The following CIRBP variants were observed in gnomAD, a reference collection of about 807,000 sequenced individuals.
The protein encoded by CIRBP is cold inducible RNA binding protein, also known as cold-inducible RNA-binding protein.
In CIRBP, 11 loss-of-function variants were observed where a neutral mutation model predicts 22.3. That is an observed-to-expected ratio of 0.49 (90% CI 0.31 to 0.82). The LOEUF (loss-of-function observed/expected upper bound fraction) is 0.82. CIRBP is among the 40% of genes least tolerant of loss of function. CIRBP has a pLI of 0.05. For missense variants in CIRBP, 456 were observed against 402.7 expected (o/e 1.13, Z -1.13); for synonymous variants, 216 against 158.8 (o/e 1.36, Z -2.71).
Position 1,272,686 on chromosome 19 carries a change from A to G in CIRBP, c.*243A>G, listed in dbSNP as rs2145535728. The stretch of plus-strand genomic sequence containing the variant: ...GGGTTTTCAAAACATTTTGAAAAGC[A>G]TTTACTTTTTTGACCACGAGCCATG... On this transcript the variant is annotated 3_prime_UTR_variant, in exon 6 of 6. Coordinates refer to ENST00000587896, the MANE Select transcript of CIRBP (RefSeq NM_001300829.2). The G allele has an allele frequency of 7.6e-6, 3 of 395,806 alleles. No individual in the cohort carries two copies. The highest frequency in any genetic ancestry group is 3.8e-5 in the East Asian group (1 of 26,506). 24.5% of individuals were successfully genotyped at this position (395,806 alleles called of 1,614,324 possible). A position where few individuals can be genotyped will look rare whatever the true frequency, so the allele number is the denominator to read the frequency against.
Position 1,272,574 on chromosome 19 carries a change from C to G in CIRBP, c.*131C>G. On this transcript the variant is annotated 3_prime_UTR_variant, in exon 6 of 6. Transcript: ENST00000587896. ...CTTTCGTAGTCATTTCGGTTCTGAT[C>G]TTGTCAAACCCAGCCTGACCGCTTC... 2.4e-6 allele frequency: 2 copies of G among 849,282 alleles called. No homozygotes were observed. The highest frequency in any genetic ancestry group is 2.5e-5 in the East Asian group (1 of 39,624). 52.6% of individuals were successfully genotyped at this position (849,282 alleles called of 1,614,324 possible). A position where few individuals can be genotyped will look rare whatever the true frequency, so the allele number is the denominator to read the frequency against.
Position 1,272,179 on chromosome 19 carries a change from G to A in CIRBP, c.630G>A (p.Ala210=), listed in dbSNP as rs753430197. The change falls in exon 6 of 6, where the codon GCG becomes GCA. Residue 210 remains alanine (A), a synonymous_variant. Transcript: ENST00000587896. ...GTCACTGTGCTTGCCCAGAAGAGGC[G>A]CATCTGTCCTCTCAGAGCCATTTCT... is the stretch of plus-strand genomic sequence containing the variant. ...RPCHCACPEE[A]HLSSQSHFYR... The A allele has an allele frequency of 2.6e-5, 41 of 1,600,566 alleles. No homozygotes were observed. In the Admixed American group the frequency reaches 5.6e-4, roughly 22 times the overall value.
chr19:1,272,313 G>T lies in CIRBP; in HGVS notation c.764G>T (p.Gly255Val). The change falls in exon 6 of 6, where the codon GGC (glycine) becomes GTC (valine). Residue 255 changes from glycine (G) to valine (V), a missense_variant. Physicochemically the swap from Gly to Val is moderately radical, Grantham distance 109. This residue lies in a region of CIRBP where 426 missense variants were observed against 339.6 expected (regional missense o/e 1.25). Coordinates refer to ENST00000587896, the MANE Select transcript of CIRBP (RefSeq NM_001300829.2). ...TGTGGCCGCAGGCCAGCCTCCCTCGGCTGTGGGGGGTGGTTGCTCCCCGGC... is the reference window on the plus strand; with the variant it reads ...TGTGGCCGCAGGCCAGCCTCCCTCGTCTGTGGGGGGTGGTTGCTCCCCGGC... Reference protein sequence around the residue: ...CMCGRRPASLGCGGWLLPGRR... With the variant: ...CMCGRRPASLVCGGWLLPGRR... 1 of 1,613,762 alleles carries T rather than the reference G, an allele frequency of 6.2e-7. No homozygotes were observed. The highest frequency in any genetic ancestry group is 8.5e-7 in the Non-Finnish European group (1 of 1,179,916).
chr19:1,269,688 C>T (rs949602367), intron 1 of CIRBP: 2 of 316,940 alleles, frequency 6.3e-6, no homozygotes, highest in Admixed American at 4.6e-5. Flanking sequence ...CGCCGAGTTC[C>T]CGGATGGAGT....
intron 5 of CIRBP, 41 bp downstream of exon 5, chr19:1,271,673 A>G: frequency 7.8e-7 from 1 of 1,287,456 alleles, no homozygotes; most frequent in Non-Finnish European, 1.1e-6. Flanking sequence ...TGGTTGCGGG[A>G]TGGCCAGCTT....
chr19:1,271,090 ACCTGGAAGTACAG>A, intron 2 of CIRBP, 37 bp from the exon 3 acceptor site: 1 of 1,610,036 alleles, frequency 6.2e-7, no homozygotes, highest in Non-Finnish European at 8.5e-7. Flanking sequence ...TGCTCCTCCT[ACCTGGAAGTACAG>A]CTGGGTGCTG....
At chr19:1,271,288 G>T in intron 3 of CIRBP, 41 bp from the exon 4 acceptor site, 2 of 1,613,910 alleles carry the variant, frequency 1.2e-6, no homozygotes, top group Non-Finnish European at 1.7e-6. Flanking sequence ...TCTCGAGGAT[G>T]GGGCACCCAC....
chr19:1,273,108 G>A lies in CIRBP; in HGVS notation c.*665G>A, dbSNP rs1380531624. The A allele has an allele frequency of 6.6e-6, 1 of 152,266 alleles. No individual in the cohort carries two copies. The highest frequency in any genetic ancestry group is 2.4e-5 in the African/African-American group (1 of 41,448). The allele number at this position is 152,266 out of a possible 1,614,324, so 9.4% of individuals were successfully genotyped here. ...CATCGATGTTGTATTTGCAGTGGCT[G>A]AGGAATTCTTGTACGCAGTTTTCTT... is the stretch of plus-strand genomic sequence containing the variant. On this transcript the variant is annotated 3_prime_UTR_variant, in exon 6 of 6. Coordinates refer to ENST00000587896, the MANE Select transcript of CIRBP (RefSeq NM_001300829.2).
intron 5 of CIRBP, 92 bp downstream of exon 5, chr19:1,271,724 C>A: frequency 1.1e-6 from 1 of 873,258 alleles, no homozygotes; most frequent in South Asian, 1.7e-5. Context: ...TGAGATGAGA[C>A]TGGCTGGGCA....
At chr19:1,270,649 T>C (rs1451340921) in intron 1 of CIRBP, among the ~76,000 whole-genome samples, 1 of 152,096 alleles carries the variant, frequency 6.6e-6, no homozygotes, top group East Asian at 1.9e-4. Context: ...GGTGTACACC[T>C]ACAGTCCCAG....
chr19:1,272,320 G>T lies in CIRBP; in HGVS notation c.771G>T (p.Gly257=), dbSNP rs1414188743. The change falls in exon 6 of 6, where the codon GGG becomes GGT. Residue 257 remains glycine, a synonymous_variant. Coordinates refer to ENST00000587896, the MANE Select transcript of CIRBP (RefSeq NM_001300829.2). ...GCAGGCCAGCCTCCCTCGGCTGTGG[G>T]GGGTGGTTGCTCCCCGGCCGCAGGC... is the stretch of plus-strand genomic sequence containing the variant. ...CGRRPASLGC[G]GWLLPGRRPR... The T allele has an allele frequency of 2.5e-6, 4 of 1,613,674 alleles. No individual in the cohort carries two copies. Among genetic ancestry groups the T allele is most frequent in the African/African-American group, 1.3e-5 (1 of 74,930 alleles).
chr19:1,273,720 C>T lies in CIRBP; in HGVS notation c.*1277C>T, dbSNP rs2081378877. 6.6e-6 allele frequency: 1 copy of T among 152,250 alleles called. No homozygotes were observed. The highest frequency in any genetic ancestry group is 2.4e-5 in the African/African-American group (1 of 41,460). 9.4% of individuals were successfully genotyped at this position (152,250 alleles called of 1,614,324 possible). On this transcript the variant is annotated 3_prime_UTR_variant, in exon 6 of 6. Coordinates refer to ENST00000587896, the MANE Select transcript of CIRBP (RefSeq NM_001300829.2). The stretch of plus-strand genomic sequence containing the variant: ...GAAATAGCCCTGTAATTCGAGGTAA[C>T]TCCTTCCGCTCGTGTCCACATCCCT...
rs2081335669 is a variant in CIRBP, at chr19:1,271,321, G to A, written c.211-8G>A. On this transcript the variant is annotated splice_polypyrimidine_tract_variant and splice_region_variant and intron_variant, in intron 3 of 5. Transcript: ENST00000587896. The stretch of plus-strand genomic sequence containing the variant: ...CACCTGCTAACCCGTCCCGCCCTCT[G>A]TCTCCAGTCTGTAGATGGACGGCAG... 1.2e-6 allele frequency: 2 copies of A among 1,613,962 alleles called. No homozygotes were observed. The highest frequency in any genetic ancestry group is 1.3e-5 in the African/African-American group (1 of 74,942).
In CIRBP at chr19:1,272,512, C is replaced by T. The variant is rs1164672335; in HGVS notation, c.*69C>T. 7.7e-5 allele frequency: 99 copies of T among 1,288,618 alleles called. No individual in the cohort carries two copies. Among genetic ancestry groups the T allele is most frequent in the Non-Finnish European group, 1.0e-4 (95 of 926,572 alleles). The allele number at this position is 1,288,618 out of a possible 1,614,324, so 79.8% of individuals were successfully genotyped here. Reference sequence around the variant, plus strand: ...TAAAGATTGTGGGAGCTTCGCTGAACGTTAATGTGTAGTAAATGCACCTCC... The same window carrying T: ...TAAAGATTGTGGGAGCTTCGCTGAATGTTAATGTGTAGTAAATGCACCTCC... On this transcript the variant is annotated 3_prime_UTR_variant, in exon 6 of 6. Coordinates refer to ENST00000587896, the MANE Select transcript of CIRBP (RefSeq NM_001300829.2).
chr19:1,271,711 A>C, intron 5 of CIRBP, 79 bp downstream of exon 5: 1 of 936,472 alleles, frequency 1.1e-6, no homozygotes, highest in Non-Finnish European at 1.6e-6. Context: ...TCCCTGGGGG[A>C]GCTGAGATGA....
chr19:1,270,887 G>C (rs1477718293), intron 1 of CIRBP, 41 bp from the exon 2 acceptor site: 4 of 1,280,018 alleles, frequency 3.1e-6, no homozygotes, highest in Non-Finnish European at 4.6e-6. Context: ...GAGGTGGTGA[G>C]AGATGACCCC....
Position 1,270,343 on chromosome 19 carries a change from G to C in CIRBP, c.-6-585G>C, listed in dbSNP as rs527497234. On this transcript the variant is annotated intron_variant, in intron 1 of 5. Coordinates refer to ENST00000587896, the MANE Select transcript of CIRBP (RefSeq NM_001300829.2). Reference sequence around the variant, plus strand: ...AGGAGTTGGCACCCGTTCGGAAATAGGAGAACCTGAGAGTGCAGTCCTGCC... The same window carrying C: ...AGGAGTTGGCACCCGTTCGGAAATACGAGAACCTGAGAGTGCAGTCCTGCC... The C allele has an allele frequency of 1.8e-4, 64 of 354,276 alleles. 2 individuals carry two copies. Among genetic ancestry groups the C allele is most frequent in the South Asian group, 1.3e-3 (63 of 48,090 alleles). 21.9% of individuals were successfully genotyped at this position (354,276 alleles called of 1,614,324 possible).
rs1299299661 is a variant in CIRBP, at chr19:1,270,941, C to T, written c.8C>T (p.Ser3Leu). The T allele has an allele frequency of 6.2e-7, 1 of 1,613,788 alleles. No individual in the cohort carries two copies. Among genetic ancestry groups the T allele is most frequent in the Non-Finnish European group, 8.5e-7 (1 of 1,179,748 alleles). Reference sequence around the variant, plus strand: ...TGTCTGCCACAGGCCGCCATGGCATCAGATGAAGGCAAACTTTTTGTTGGA... The same window carrying T: ...TGTCTGCCACAGGCCGCCATGGCATTAGATGAAGGCAAACTTTTTGTTGGA... The part of the protein sequence containing the change: MA[S>L]DEGKLFVGGL... Residue 3 changes from serine to leucine, a missense_variant, in exon 2 of 6, where the codon TCA becomes TTA. Physicochemically the swap from Ser to Leu is moderately radical, Grantham distance 145. Coordinates refer to ENST00000587896, the MANE Select transcript of CIRBP (RefSeq NM_001300829.2).
At chr19:1,271,942 C>T (rs769587596) in intron 5 of CIRBP, 39 bp from the exon 6 acceptor site, 31 of 1,541,782 alleles carry the variant, frequency 2.0e-5, no homozygotes, top group South Asian at 4.7e-5. Context: ...CAGAAGTAGA[C>T]GGGTACCTTC....
Sources: allele counts gnomAD v4.1 joint callset (sites outside exome capture counted in the v4.1 genomes callset), GRCh38; gene constraint gnomAD v4.1.1; regional missense constraint gnomAD v4.1.1; transcripts MANE v1.5; gene names NCBI Gene and HGNC (gene_info 2026-07-23, HGNC 2026-07-21).